Variants in POTEF observed in about 807,000 individuals in gnomAD.
The protein encoded by POTEF is ANKRD26-like family C member 1B.
POTEF carries 20 observed loss-of-function variants against 83.2 expected under a neutral mutation model. That is an observed-to-expected ratio of 0.24 (90% CI 0.17 to 0.35). The LOEUF (loss-of-function observed/expected upper bound fraction) is 0.35. Ranked by LOEUF, POTEF falls within the 10% of genes least tolerant of loss-of-function variation. POTEF has a pLI of 1.00. For synonymous variants in POTEF, 196 were observed against 446.4 expected, an observed-to-expected ratio of 0.44 and a Z score of 7.07; for missense variants, 550 against 1,203.2, an observed-to-expected ratio of 0.46 and a Z score of 8.03.
intron 9 of POTEF, among the ~76,000 whole-genome samples, chr2:130,101,381 C>G (rs2407443): frequency 4.5e-4 from 61 of 135,392 alleles, no homozygotes; most frequent in African/African-American, 2.2e-3. Context: ...GATTTTTTAA[C>G]AATATGTACT....
intron 8 of POTEF, among the ~76,000 whole-genome samples, chr2:130,102,623 G>GC (rs1341312733): frequency 1.3e-5 from 2 of 149,336 alleles, no homozygotes; most frequent in East Asian, 3.9e-4. Context: ...AGAAGCCAGA[G>GC]CCCACAGGTA....
At chr2:130,109,952 G>T (rs1025575060) in intron 7 of POTEF, among the ~76,000 whole-genome samples, 2 of 151,230 alleles carry the variant, frequency 1.3e-5, no homozygotes, top group Admixed American at 1.3e-4. Context: ...TGTATGAATC[G>T]CCATGAAGAC....
intron 2 of POTEF, among the ~76,000 whole-genome samples, chr2:130,126,303 C>CAAAAAAAAAAAAAA (rs754556482): frequency 1.1e-4 from 13 of 122,646 alleles, no homozygotes; most frequent in South Asian, 2.6e-4. Context: ...AACTCCATCT[C>CAAAAAAAAAAAAAA]AAAAAAAAAA....
chr2:130,127,718 C>A lies in POTEF; in HGVS notation c.-103G>T, dbSNP rs1169055947. ...GCGGGCACCCTCCTACCACTCCTGT[C>A]GAGCTGCAGTCTCCGTGGCTGCCAT... On this transcript the variant is annotated 5_prime_UTR_variant, in exon 2 of 17. Transcript: ENST00000409914. The A allele has an allele frequency of 6.6e-5, 10 of 152,252 alleles. No individual in the cohort carries two copies. The highest frequency in any genetic ancestry group is 5.9e-4 in the East Asian group (3 of 5,122). The allele number at this position is 152,252 out of a possible 1,614,324, so 9.4% of individuals were successfully genotyped here.
rs772115932 is a variant in POTEF at position 130,120,533 on chromosome 2, G to A, written c.-18C>T. On this transcript the variant is annotated 5_prime_UTR_variant, in exon 3 of 17. Transcript: ENST00000409914. ...ACCACCATCTGCTTTTAACAGCCAGGAGAAGCCAGTAGTAGCCAACAGATC... is the reference window on the plus strand; with the variant it reads ...ACCACCATCTGCTTTTAACAGCCAGAAGAAGCCAGTAGTAGCCAACAGATC... The A allele has an allele frequency of 1.2e-6, 2 of 1,612,022 alleles. No homozygotes were observed. The highest frequency in any genetic ancestry group is 2.2e-5 in the East Asian group (1 of 44,798).
chr2:130,100,833 TG>T (rs1558886877), intron 9 of POTEF, 113 bp from the exon 10 acceptor site: 1 of 913,838 alleles, frequency 1.1e-6, no homozygotes, highest in Non-Finnish European at 1.5e-6. Context: ...GTATGGACAA[TG>T]AAAAATTAGA....
chr2:130,075,836 C>T (rs936910814), intron 16 of POTEF, among the ~76,000 whole-genome samples: 5 of 143,574 alleles, frequency 3.5e-5, no homozygotes, highest in African/African-American at 5.2e-5. Flanking sequence ...TATTTAAAGA[C>T]GATGAAAAAT....
intron 7 of POTEF, among the ~76,000 whole-genome samples, chr2:130,108,307 A>G (rs968868597): frequency 2.0e-5 from 3 of 151,508 alleles, no homozygotes; most frequent in African/African-American, 4.9e-5. Flanking sequence ...ACTGTGACCC[A>G]GTAAATTAGC....
At chr2:130,106,168 G>A (rs534786444) in intron 8 of POTEF, among the ~76,000 whole-genome samples, 1 of 150,920 alleles carries the variant, frequency 6.6e-6, no homozygotes, top group Non-Finnish European at 1.5e-5. Context: ...AGCTGAAAGA[G>A]GGAAAAGTGG....
intron 3 of POTEF, among the ~76,000 whole-genome samples, chr2:130,116,037 C>T (rs1264353382): frequency 3.3e-5 from 5 of 151,970 alleles, no homozygotes; most frequent in African/African-American, 9.7e-5. Flanking sequence ...ATAACAGGTC[C>T]GGGGCGGTTC....
intron 3 of POTEF, among the ~76,000 whole-genome samples, chr2:130,118,066 A>C (rs569675151): frequency 4.6e-5 from 7 of 150,930 alleles, no homozygotes; most frequent in African/African-American, 1.5e-4. Context: ...TCAGCCTTCT[A>C]AGTAGCTGGG....
At chr2:130,123,403 TA>T (rs1159673258) in intron 2 of POTEF, among the ~76,000 whole-genome samples, 3 of 152,050 alleles carry the variant, frequency 2.0e-5, no homozygotes, top group African/African-American at 7.3e-5. Context: ...AGTTCTAGCA[TA>T]AGTCTTGAAA....
rs185710680 is a variant in POTEF at position 130,101,571 on chromosome 2, G to C, written c.1197+539C>G. Reference sequence around the variant, plus strand: ...ACCATAAGGCAGAATATATTTTTAAGCTTGGTATCAATGACTGACAATATA... The same window carrying C: ...ACCATAAGGCAGAATATATTTTTAACCTTGGTATCAATGACTGACAATATA... On this transcript the variant is annotated intron_variant, in intron 9 of 16. Transcript: ENST00000409914. Among the ~76,000 whole-genome samples the C allele has an allele frequency of 7.0e-3, 1,045 of 150,300 alleles. 20 individuals are homozygous for C. The highest frequency in any genetic ancestry group is 0.012 in the Non-Finnish European group (783 of 67,998).
intron 12 of POTEF, among the ~76,000 whole-genome samples, chr2:130,090,722 C>G (rs1684102341): frequency 1.4e-5 from 2 of 144,304 alleles, no homozygotes; most frequent in African/African-American, 2.6e-5. Context: ...AAAAATTAAG[C>G]AAAACAAGTG....
chr2:130,105,758 A>T (rs1298915315), intron 8 of POTEF, among the ~76,000 whole-genome samples: 3 of 146,458 alleles, frequency 2.0e-5, no homozygotes, highest in South Asian at 2.2e-4. Context: ...TAATCTTGTG[A>T]CTCCCCTGCT....
chr2:130,104,224 G>A (rs1212386546), intron 8 of POTEF, among the ~76,000 whole-genome samples: 2 of 146,376 alleles, frequency 1.4e-5, no homozygotes, highest in Non-Finnish European at 3.0e-5. Flanking sequence ...TTAATACTTG[G>A]TTTGGGAAGG....
In POTEF at chr2:130,119,399, C is replaced by A. The variant is rs191375583; in HGVS notation, c.521+596G>T. ...GCCAGGATGGTCTCAATCTCCTGAC[C>A]TCATGATCCGCCCGCCTCCCAAAGT... On this transcript the variant is annotated intron_variant, in intron 3 of 16. Coordinates refer to ENST00000409914, the MANE Select transcript of POTEF (RefSeq NM_001099771.2). Among the ~76,000 whole-genome samples the A allele has an allele frequency of 5.4e-3, 818 of 151,954 alleles. 21 individuals are homozygous for A. The highest frequency in any genetic ancestry group is 0.019 in the African/African-American group (769 of 41,284).
At chr2:130,117,186 T>C (rs1225056497) in intron 3 of POTEF, among the ~76,000 whole-genome samples, 1 of 151,914 alleles carries the variant, frequency 6.6e-6, no homozygotes, top group Non-Finnish European at 1.5e-5. Flanking sequence ...ACTTTTTACA[T>C]GTTAATCTAT....
intron 8 of POTEF, among the ~76,000 whole-genome samples, chr2:130,104,986 C>G (rs542153042): frequency 6.6e-5 from 10 of 150,832 alleles, no homozygotes; most frequent in African/African-American, 2.0e-4. Context: ...TCCTGCTGAC[C>G]TGCTGCTCTT....
Sources: allele counts gnomAD v4.1 joint callset (sites outside exome capture counted in the v4.1 genomes callset), GRCh38; gene constraint gnomAD v4.1.1; transcripts MANE v1.5; gene names NCBI Gene and HGNC (gene_info 2026-07-23, HGNC 2026-07-21).